Variants in MARCHF2 observed in about 807,000 individuals in gnomAD.
MARCHF2 encodes the protein membrane associated ring-CH-type finger 2, also known as E3 ubiquitin-protein ligase MARCHF2.
In MARCHF2, 22 loss-of-function variants were observed where a neutral mutation model predicts 24.0. The observed-to-expected ratio is 0.92, with a 90% CI of 0.66 to 1.31. MARCHF2 has a LOEUF of 1.31. MARCHF2 is among the 50% of genes most tolerant of loss of function. The pLI is 0.00. For missense variants in MARCHF2, 301 were observed against 335.3 expected, an observed-to-expected ratio of 0.90 and a Z score of 0.80; for synonymous variants, 154 against 153.0, an observed-to-expected ratio of 1.01 and a Z score of -0.05.
intron 3 of MARCHF2, among the ~76,000 whole-genome samples, chr19:8,428,420 G>A (rs994497236): frequency 1.4e-4 from 21 of 151,710 alleles, no homozygotes; most frequent in African/African-American, 4.4e-4. Flanking sequence ...CCCGGGAGGC[G>A]GAGGTTGCAG....
intron 4 of MARCHF2, among the ~76,000 whole-genome samples, chr19:8,431,298 A>G (rs942330804): frequency 9.2e-5 from 14 of 151,914 alleles, no homozygotes; most frequent in Non-Finnish European, 4.4e-5. Flanking sequence ...AGGGAGTTCA[A>G]GACCAGCCTA....
chr19:8,421,516 C>T (rs1012301010), intron 1 of MARCHF2, among the ~76,000 whole-genome samples: 48 of 151,838 alleles, frequency 3.2e-4, no homozygotes, highest in Middle Eastern at 3.2e-3. Context: ...CGTCAGCCAC[C>T]GCGCCTGGCC....
chr19:8,421,474 G>A (rs1472133862), intron 1 of MARCHF2, among the ~76,000 whole-genome samples: 7 of 136,348 alleles, frequency 5.1e-5, no homozygotes, highest in Admixed American at 8.4e-5. Flanking sequence ...TGATCCACCC[G>A]CCTCAGCCTC....
In MARCHF2 at chr19:8,430,022, C is replaced by G. The variant is rs958491308; in HGVS notation, c.373-636C>G. Among the ~76,000 whole-genome samples the G allele has an allele frequency of 3.6e-4, 55 of 151,972 alleles. No individual in the cohort carries two copies. The highest frequency in any genetic ancestry group is 7.7e-4 in the Non-Finnish European group (52 of 67,970). On this transcript the variant is annotated intron_variant, in intron 3 of 4. Coordinates refer to ENST00000215555, the MANE Select transcript of MARCHF2 (RefSeq NM_001005415.2). The surrounding 1 kb of genome is among the most constrained non-coding windows in gnomAD (Gnocchi z 4.4). ...CATCTGTAAAATGGGGGTAAATGTGCCCAGCACCTGGCAGGGCCTGGCTCC... is the reference window on the plus strand; with the variant it reads ...CATCTGTAAAATGGGGGTAAATGTGGCCAGCACCTGGCAGGGCCTGGCTCC...
Position 8,430,993 on chromosome 19 carries a change from G to A in MARCHF2, c.582+126G>A. The A allele has an allele frequency of 1.1e-6, 1 of 931,840 alleles. No homozygotes were observed. Among genetic ancestry groups the A allele is most frequent in the Non-Finnish European group, 1.6e-6 (1 of 631,530 alleles). 57.7% of individuals were successfully genotyped at this position (931,840 alleles called of 1,614,324 possible). ...GCTGCCTCTGTCTATGGCCGTGGGTGGAAGAGAGCTTCTGAGGTCACCCTG... is the reference window on the plus strand; with the variant it reads ...GCTGCCTCTGTCTATGGCCGTGGGTAGAAGAGAGCTTCTGAGGTCACCCTG... On this transcript the variant is annotated intron_variant, in intron 4 of 4. Transcript: ENST00000215555. The surrounding 1 kb of genome is among the most constrained non-coding windows in gnomAD (Gnocchi z 4.4).
intron 1 of MARCHF2, among the ~76,000 whole-genome samples, chr19:8,420,708 G>A (rs1967214554): frequency 6.6e-6 from 1 of 152,044 alleles, no homozygotes; most frequent in African/African-American, 2.4e-5. Context: ...GGAGTGCTGT[G>A]GGCACCGTCA....
chr19:8,431,751 T>C (rs1967592647), intron 4 of MARCHF2, among the ~76,000 whole-genome samples: 1 of 151,812 alleles, frequency 6.6e-6, no homozygotes, highest in Non-Finnish European at 1.5e-5. Context: ...GGCAGGAGAA[T>C]CACGTGAACC....
chr19:8,429,803 C>CTTTTT (rs371323385), intron 3 of MARCHF2, among the ~76,000 whole-genome samples: 1 of 79,666 alleles, frequency 1.3e-5, no homozygotes, highest in East Asian at 4.7e-4. Flanking sequence ...CACACCAGGG[C>CTTTTT]TTTTTTTTTT....
chr19:8,423,054 TTTTTG>T (rs1412360987), intron 2 of MARCHF2, among the ~76,000 whole-genome samples: 5 of 69,844 alleles, frequency 7.2e-5, no homozygotes, highest in Non-Finnish European at 1.5e-4. Context: ...TGAATTTGTT[TTTTTG>T]TTTTGTTTTG....
At chr19:8,416,340 CAAAAAAA>C (rs71175852) in intron 1 of MARCHF2, among the ~76,000 whole-genome samples, 1 of 77,450 alleles carries the variant, frequency 1.3e-5, no homozygotes, top group Non-Finnish European at 2.5e-5. Context: ...GACTCTGTCT[CAAAAAAA>C]AAAAAAAAAA....
At chr19:8,427,039 TCTTCTTCCTTCTC>T (rs1432170199) in intron 3 of MARCHF2, among the ~76,000 whole-genome samples, 2 of 152,048 alleles carry the variant, frequency 1.3e-5, no homozygotes, top group African/African-American at 4.8e-5. Flanking sequence ...TCTTCTTTCT[TCTTCTTCCTTCTC>T]CTTCTTCTTT....
intron 1 of MARCHF2, among the ~76,000 whole-genome samples, chr19:8,420,196 T>TA (rs1967197141): frequency 1.1e-4 from 16 of 144,956 alleles, no homozygotes; most frequent in South Asian, 1.1e-3. Context: ...AATAAATAAA[T>TA]AATTAGCTGA....
chr19:8,414,749 C>T (rs1055083785), intron 1 of MARCHF2, among the ~76,000 whole-genome samples: 1 of 152,054 alleles, frequency 6.6e-6, no homozygotes, highest in African/African-American at 2.4e-5. Flanking sequence ...TCAGTGCCAC[C>T]CTAAACAAGC....
At chr19:8,425,398 CAA>C (rs967644818) in intron 2 of MARCHF2, among the ~76,000 whole-genome samples, 5 of 116,584 alleles carry the variant, frequency 4.3e-5, no homozygotes, top group Admixed American at 9.0e-5. Context: ...GACTCCATCT[CAA>C]AAAAAAAAAA....
intron 1 of MARCHF2, among the ~76,000 whole-genome samples, chr19:8,414,087 C>G (rs1244112677): frequency 6.6e-6 from 1 of 152,166 alleles, no homozygotes; most frequent in Non-Finnish European, 1.5e-5. Flanking sequence ...CAATAACAAC[C>G]TCCACATTTA....
chr19:8,435,350 A>G (rs1167617662), intron 4 of MARCHF2, among the ~76,000 whole-genome samples: 1 of 151,754 alleles, frequency 6.6e-6, no homozygotes, highest in Non-Finnish European at 1.5e-5. Flanking sequence ...TAATTTTTAG[A>G]GCAATTTTAG....
At chr19:8,414,964 C>T (rs1186351531) in intron 1 of MARCHF2, among the ~76,000 whole-genome samples, 1 of 152,224 alleles carries the variant, frequency 6.6e-6, no homozygotes, top group Non-Finnish European at 1.5e-5. Flanking sequence ...CAGAACCACT[C>T]CCTGGACTGT....
At chr19:8,433,066 A>G (rs1967622766) in intron 4 of MARCHF2, among the ~76,000 whole-genome samples, 1 of 151,782 alleles carries the variant, frequency 6.6e-6, no homozygotes, top group African/African-American at 2.4e-5. Context: ...AAAAAATACA[A>G]AAGTTTGTCG....
At chr19:8,426,072 A>G (rs1405419442) in intron 2 of MARCHF2, among the ~76,000 whole-genome samples, 2 of 151,742 alleles carry the variant, frequency 1.3e-5, no homozygotes. Context: ...CTAAAAATAC[A>G]AAAACACAAT....
Sources: gnomAD v4.1 joint callset for allele counts (sites outside exome capture counted in the v4.1 genomes callset) on GRCh38, gnomAD v4.1.1 for gene constraint, Gnocchi (gnomAD v3.1) non-coding constraint, MANE v1.5 for transcripts, NCBI Gene and HGNC (gene_info 2026-07-23, HGNC 2026-07-21) for gene names.